The following EPN1 variants were observed in gnomAD, a reference collection of about 807,000 sequenced individuals.
EPN1 encodes epsin-1.
EPN1 carries 25 observed loss-of-function variants against 56.9 expected under a neutral mutation model. The observed-to-expected ratio is 0.44, with a 90% CI of 0.32 to 0.61. The LOEUF (loss-of-function observed/expected upper bound fraction) is 0.61, where lower values mean the gene tolerates loss of function less well. Among genes scored for constraint, EPN1 ranks in the 20% least tolerant of loss-of-function variants. The probability of loss-of-function intolerance (pLI) is 0.05; values close to 1 mark genes in which losing one functional copy is unlikely to be tolerated. For synonymous variants in EPN1, 411 were observed against 361.8 expected, an observed-to-expected ratio of 1.14 and a Z score of -1.54; for missense variants, 785 against 823.7, an observed-to-expected ratio of 0.95 and a Z score of 0.58.
chr19:55,693,790 T>A (rs1320986080), intron 9 of EPN1, among the ~76,000 whole-genome samples: 1 of 152,168 alleles, frequency 6.6e-6, no homozygotes, highest in African/African-American at 2.4e-5. Context: ...CACCCACGCT[T>A]CCCTCCTCTC....
At position 55,701,099 on chromosome 19, in the gene EPN1, A is replaced by T. The variant is rs886323472; in HGVS notation, c.*5743A>T. On this transcript the variant is annotated 3_prime_UTR_variant, in exon 11 of 11. Transcript: ENST00000270460. Reference sequence around the variant, plus strand: ...GGGCTCCCTGGTTCCCATCTTATCAAGATGCTGGACTCGGTGCTTGAAACA... The same window carrying T: ...GGGCTCCCTGGTTCCCATCTTATCATGATGCTGGACTCGGTGCTTGAAACA... 1.3e-5 allele frequency: 2 copies of T among 152,164 alleles called. No individual in the cohort carries two copies. The highest frequency in any genetic ancestry group is 4.8e-5 in the African/African-American group (2 of 41,434). 9.4% of individuals were successfully genotyped at this position (152,164 alleles called of 1,614,324 possible). A position where few individuals can be genotyped will look rare whatever the true frequency, so the allele number is the denominator to read the frequency against.
intron 2 of EPN1, among the ~76,000 whole-genome samples, chr19:55,679,725 A>T (rs1313378984): frequency 6.6e-6 from 1 of 152,138 alleles, no homozygotes; most frequent in Non-Finnish European, 1.5e-5. Flanking sequence ...TGCAGCACTT[A>T]CACATGGGAG....
intron 3 of EPN1, among the ~76,000 whole-genome samples, chr19:55,685,989 G>C (rs1435169445): frequency 6.6e-6 from 1 of 152,224 alleles, no homozygotes; most frequent in Non-Finnish European, 1.5e-5. Flanking sequence ...ACCCCCGAGG[G>C]TGCTGTCCTT....
chr19:55,708,720 G>T lies in EPN1; in HGVS notation c.*13364G>T. 2 of 440,838 alleles carry T rather than the reference G, an allele frequency of 4.5e-6. No individual in the cohort carries two copies. The highest frequency in any genetic ancestry group is 8.1e-6 in the Non-Finnish European group (2 of 248,114). The allele number at this position is 440,838 out of a possible 1,614,324, so 27.3% of individuals were successfully genotyped here. On this transcript the variant is annotated 3_prime_UTR_variant, in exon 11 of 11. Coordinates refer to ENST00000270460, the MANE Select transcript of EPN1 (RefSeq NM_001130072.2). ...GATTTCTAAAGACAAGGGGATATAG[G>T]ACCGAGGCAAAGACAATCAGCATGT...
Position 55,685,405 on chromosome 19 carries a change from C to G in EPN1, c.238C>G (p.Leu80Val). 6.2e-7 allele frequency: 1 copy of G among 1,610,992 alleles called. No individual in the cohort carries two copies. Among genetic ancestry groups the G allele is most frequent in the Non-Finnish European group, 8.5e-7 (1 of 1,178,964 alleles). Residue 80 changes from leucine (L) to valine (V), a missense_variant, in exon 3 of 11, where the codon CTG becomes GTG. Physicochemically the swap from Leu to Val is conservative, Grantham distance 32 (BLOSUM62 1). Coordinates refer to ENST00000270460, the MANE Select transcript of EPN1 (RefSeq NM_001130072.2). ...CCGTGCCCGCTCGCAGGCCATGACG[C>G]TGATGGAGTACCTCATCAAGACCGG... Reference protein sequence around the residue: ...NWRHVYKAMTLMEYLIKTGSE... With the variant: ...NWRHVYKAMTVMEYLIKTGSE...
At position 55,708,795 on chromosome 19, in the gene EPN1, C is replaced by T. The variant is rs1987556814; in HGVS notation, c.*13439C>T. 1.2e-5 allele frequency: 8 copies of T among 662,786 alleles called. No homozygotes were observed. Among genetic ancestry groups the T allele is most frequent in the East Asian group, 3.0e-5 (1 of 33,480 alleles). 41.1% of individuals were successfully genotyped at this position (662,786 alleles called of 1,614,324 possible). On this transcript the variant is annotated 3_prime_UTR_variant, in exon 11 of 11. Coordinates refer to ENST00000270460, the MANE Select transcript of EPN1 (RefSeq NM_001130072.2). The stretch of plus-strand genomic sequence containing the variant: ...TATTGCTAGAACACTTAGGGAGTAC[C>T]TCTGAAATCACAGCCCTGCTGCCAT...
At chr19:55,683,648 T>C (rs1038786200) in intron 2 of EPN1, among the ~76,000 whole-genome samples, 15 of 152,250 alleles carry the variant, frequency 9.9e-5, no homozygotes, top group African/African-American at 3.6e-4. Context: ...CCACCACACC[T>C]GGCCTCATTT....
At chr19:55,685,338 G>A in intron 2 of EPN1, 58 bp from the exon 3 acceptor site, 1 of 1,570,826 alleles carries the variant, frequency 6.4e-7, no homozygotes, top group Non-Finnish European at 8.6e-7. Flanking sequence ...GTCGCAGGCA[G>A]TCTCTGGCCC....
chr19:55,678,167 G>A lies in EPN1; in HGVS notation c.-101-360G>A, dbSNP rs184461724. 2.8e-4 allele frequency among the ~76,000 whole-genome samples: 43 copies of A among 152,292 alleles called. 1 individual carries two copies. The East Asian group carries it at 7.2e-3, about 25-fold the overall frequency. On this transcript the variant is annotated intron_variant, in intron 1 of 10. Transcript: ENST00000270460. ...GGCAGGACGGAGGGCCTCCTGATGC[G>A]CTGCCGGTGTTTACAGGGCGTCAGT...
chr19:55,678,189 C>T (rs932285752), intron 1 of EPN1, among the ~76,000 whole-genome samples: 13 of 152,102 alleles, frequency 8.5e-5, no homozygotes, highest in African/African-American at 3.1e-4. Flanking sequence ...TACAGGGCGT[C>T]AGTTCTCTAG....
chr19:55,683,295 T>A (rs1985949466), intron 2 of EPN1, among the ~76,000 whole-genome samples: 1 of 151,796 alleles, frequency 6.6e-6, no homozygotes. Context: ...GACCTTGTGA[T>A]CTGCCCGCCT....
chr19:55,705,065 A>G lies in EPN1; in HGVS notation c.*9709A>G, dbSNP rs1011484800. ...GACTCGCAGTTCTGCCACACAGTGA[A>G]TGTGCTACTCAAGCCACTCAGCCTG... On this transcript the variant is annotated 3_prime_UTR_variant, in exon 11 of 11. Transcript: ENST00000270460. 2 of 152,386 alleles carry G rather than the reference A, an allele frequency of 1.3e-5. No individual in the cohort carries two copies. Among genetic ancestry groups the G allele is most frequent in the Admixed American group, 1.3e-4 (2 of 15,310 alleles). 9.4% of individuals were successfully genotyped at this position (152,386 alleles called of 1,614,324 possible). A position where few individuals can be genotyped will look rare whatever the true frequency, so the allele number is the denominator to read the frequency against.
In EPN1 at chr19:55,695,312, C is replaced by G. The variant is rs779335855; in HGVS notation, c.1687C>G (p.Pro563Ala). 12 of 1,539,520 alleles carry G rather than the reference C, an allele frequency of 7.8e-6. No homozygotes were observed. The South Asian group carries it at 1.4e-4, about 18-fold the overall frequency. Residue 563 changes from proline to alanine, a missense_variant, in exon 11 of 11, where the codon CCC becomes GCC. Around this residue, in one of 2 missense-constraint regions of EPN1, gnomAD observed 650 missense variants for 605.0 expected, o/e 1.07. Transcript: ENST00000270460. The surrounding 1 kb of genome is among the most constrained non-coding windows in gnomAD (Gnocchi z 4.4). ...GGGCCCTGGCCTGCCCCCCATGATG[C>G]CCCCGGGCCCCCCGGCCCCCAACAC... ...GGGPGLPPMM[P>A]PGPPAPNTNP... is the part of the protein sequence containing the mutation.
chr19:55,693,364 T>C (rs1158358266), intron 9 of EPN1: 1 of 284,274 alleles, frequency 3.5e-6, no homozygotes, highest in Non-Finnish European at 6.8e-6. Context: ...ACACGGACTG[T>C]CTTGTCCTGT....
Position 55,678,846 on chromosome 19 carries a change from C to T in EPN1, c.219C>T (p.His73=), listed in dbSNP as rs777886395. The change falls in exon 2 of 11, where the codon CAC becomes CAT. Residue 73 remains histidine (H), a synonymous_variant. Coordinates refer to ENST00000270460, the MANE Select transcript of EPN1 (RefSeq NM_001130072.2). ...RLNDHGKNWR[H]VYKAMTLMEY... The stretch of plus-strand genomic sequence containing the variant: ...ATGACCATGGCAAGAACTGGCGTCA[C>T]GTTTACAAGGTCAGCATCCTGCTCT... 6.8e-6 allele frequency: 11 copies of T among 1,608,348 alleles called. 1 individual carries two copies. The highest frequency in any genetic ancestry group is 3.3e-5 in the Admixed American group (2 of 59,782).
In EPN1 at chr19:55,702,634, C is replaced by G. The variant is rs1987196707; in HGVS notation, c.*7278C>G. The G allele has an allele frequency of 6.6e-6, 1 of 152,186 alleles. No homozygotes were observed. Among genetic ancestry groups the G allele is most frequent in the Non-Finnish European group, 1.5e-5 (1 of 68,040 alleles). 9.4% of individuals were successfully genotyped at this position (152,186 alleles called of 1,614,324 possible). A position where few individuals can be genotyped will look rare whatever the true frequency, so the allele number is the denominator to read the frequency against. On this transcript the variant is annotated 3_prime_UTR_variant, in exon 11 of 11. Coordinates refer to ENST00000270460, the MANE Select transcript of EPN1 (RefSeq NM_001130072.2). ...GGTGTGGTGAGAAAGGGAGCAATTT[C>G]TAAGCTGCTTTTTGTTAGGAAGTTT...
chr19:55,690,027 G>T, intron 6 of EPN1, 77 bp downstream of exon 6: 1 of 1,370,992 alleles, frequency 7.3e-7, no homozygotes, highest in Non-Finnish European at 1.0e-6. Context: ...GCGTGGCCAG[G>T]TCCCTGGAGC....
In EPN1 at chr19:55,705,396, C is replaced by G. The variant is rs916860690; in HGVS notation, c.*10040C>G. The G allele has an allele frequency of 1.3e-5, 2 of 152,228 alleles. No homozygotes were observed. The highest frequency in any genetic ancestry group is 1.3e-4 in the Admixed American group (2 of 15,276). 9.4% of individuals were successfully genotyped at this position (152,228 alleles called of 1,614,324 possible). A position where few individuals can be genotyped will look rare whatever the true frequency, so the allele number is the denominator to read the frequency against. On this transcript the variant is annotated 3_prime_UTR_variant, in exon 11 of 11. Transcript: ENST00000270460. ...CATGAAGTGGCGTGAGCCTGTAATT[C>G]CAGCAGTTTGGGAGGCCGGGGCGAA...
In EPN1 at chr19:55,704,304, C is replaced by T. The variant is rs1393080853; in HGVS notation, c.*8948C>T. 6.6e-6 allele frequency: 1 copy of T among 152,372 alleles called. No homozygotes were observed. The highest frequency in any genetic ancestry group is 1.5e-5 in the Non-Finnish European group (1 of 68,176). 9.4% of individuals were successfully genotyped at this position (152,372 alleles called of 1,614,324 possible). ...AAAGCTCTATGTTGAAACCCTACCC[C>T]CCACCCTGCACCGACCCCGTACCCC... is the stretch of plus-strand genomic sequence containing the variant. On this transcript the variant is annotated 3_prime_UTR_variant, in exon 11 of 11. Transcript: ENST00000270460.
Sources: gnomAD v4.1 joint callset for allele counts (sites outside exome capture counted in the v4.1 genomes callset) on GRCh38, gnomAD v4.1.1 for gene constraint, gnomAD v4.1.1 regional missense constraint, Gnocchi (gnomAD v3.1) non-coding constraint, MANE v1.5 for transcripts, NCBI Gene and HGNC (gene_info 2026-07-23, HGNC 2026-07-21) for gene names.